Variants in TACC2 observed in about 807,000 individuals in gnomAD.
TACC2 encodes transforming acidic coiled-coil-containing protein 2.
A neutral mutation model predicts 227.3 loss-of-function variants in TACC2; 137 were observed. That is an observed-to-expected ratio of 0.60 (90% CI 0.52 to 0.69). The LOEUF (loss-of-function observed/expected upper bound fraction) is 0.69, where lower values mean the gene tolerates loss of function less well. Ranked by LOEUF, TACC2 falls within the 30% of genes least tolerant of loss-of-function variation. The probability of loss-of-function intolerance (pLI) is 0.00; values close to 1 mark genes in which losing one functional copy is unlikely to be tolerated. For missense variants in TACC2, 3,470 were observed against 3,694.4 expected, an observed-to-expected ratio of 0.94 and a Z score of 1.57; for synonymous variants, 1,523 against 1,487.5, an observed-to-expected ratio of 1.02 and a Z score of -0.55.
At chr10:122,231,535 C>T (rs767932795) in intron 16 of TACC2, among the ~76,000 whole-genome samples, 2 of 152,236 alleles carry the variant, frequency 1.3e-5, no homozygotes, top group African/African-American at 4.8e-5. Flanking sequence ...TGTTAGCTGA[C>T]ACTTCCCTCT....
chr10:122,105,469 T>C (rs1037587864), intron 5 of TACC2, among the ~76,000 whole-genome samples: 5 of 152,198 alleles, frequency 3.3e-5, no homozygotes, highest in Non-Finnish European at 7.3e-5. Flanking sequence ...TTCAGCCTCC[T>C]GAAGTTACTT....
At chr10:122,139,428 A>C (rs1231072182) in intron 6 of TACC2, among the ~76,000 whole-genome samples, 2 of 152,170 alleles carry the variant, frequency 1.3e-5, no homozygotes, top group Admixed American at 1.3e-4. Flanking sequence ...CAGCCAATTC[A>C]CAAGCACCTC....
chr10:122,230,795 G>GA lies in TACC2; in HGVS notation c.8127+355_8127+356insA, dbSNP rs150539483. ...GCAAAACAAAATCATGACCTTTGAG[G>GA]GTTTTTTTTTTCTACAGATACCATT... On this transcript the variant is annotated intron_variant, in intron 16 of 22. Transcript: ENST00000369005. Among the ~76,000 whole-genome samples the GA allele has an allele frequency of 1.7e-3, 253 of 151,998 alleles. 1 individual carries two copies. Among genetic ancestry groups the GA allele is most frequent in the African/African-American group, 5.8e-3 (241 of 41,466 alleles).
At chr10:122,007,119 C>A (rs985737436) in intron 1 of TACC2, among the ~76,000 whole-genome samples, 7 of 152,134 alleles carry the variant, frequency 4.6e-5, no homozygotes, top group African/African-American at 1.7e-4. Context: ...ACCTCGGCCT[C>A]CCAAAGTTCT....
chr10:122,226,474 T>A lies in TACC2; in HGVS notation c.7717T>A (p.Cys2573Ser), dbSNP rs377342486. ...CCGCATGTCAGAGTCCCCGACGCCGTGTTCAGGGTATGACTTCCATGATGA... is the reference window on the plus strand; with the variant it reads ...CCGCATGTCAGAGTCCCCGACGCCGAGTTCAGGGTATGACTTCCATGATGA... ...PVRMSESPTP[C>S]SGSSFEETEA... Residue 2573 changes from cysteine (C) to serine (S), a missense_variant, in exon 13 of 23, where the codon TGT (cysteine) becomes AGT (serine). Around this residue, in one of 10 missense-constraint regions of TACC2, gnomAD observed 345 missense variants for 354.4 expected, o/e 0.97. Coordinates refer to ENST00000369005, the MANE Select transcript of TACC2 (RefSeq NM_206862.4). 8 of 1,611,740 alleles carry A rather than the reference T, an allele frequency of 5.0e-6. No individual in the cohort carries two copies. Among genetic ancestry groups the A allele is most frequent in the Non-Finnish European group, 6.8e-6 (8 of 1,178,362 alleles).
At chr10:122,173,668 C>T (rs535746798) in intron 7 of TACC2, among the ~76,000 whole-genome samples, 45 of 152,336 alleles carry the variant, frequency 3.0e-4, no homozygotes, top group African/African-American at 9.4e-4. Flanking sequence ...GGAAGAGCAC[C>T]AGGCAAGAAA....
At chr10:122,028,159 A>G (rs7894514) in intron 2 of TACC2, among the ~76,000 whole-genome samples, 72,752 of 140,048 alleles carry the variant, frequency 0.52, 20,020 homozygotes, top group African/African-American at 0.76. Flanking sequence ...GTGATATCTC[A>G]GCTCACTGCA....
rs865805523 is a variant in TACC2, at chr10:122,082,593, T to C, written c.147-54T>C. 1.7e-5 allele frequency: 26 copies of C among 1,550,414 alleles called. 1 individual carries two copies. The Middle Eastern group carries it at 2.8e-3, about 168-fold the overall frequency. ...GGGTTGGGGGGTGACCTGCCTGCAG[T>C]GTGGCTCTGTCCTTGGCATCCATGA... On this transcript the variant is annotated intron_variant, in intron 3 of 22. Coordinates refer to ENST00000369005, the MANE Select transcript of TACC2 (RefSeq NM_206862.4).
chr10:122,230,018 G>C (rs1181384663), intron 15 of TACC2, among the ~76,000 whole-genome samples: 1 of 152,178 alleles, frequency 6.6e-6, no homozygotes, highest in Non-Finnish European at 1.5e-5. Flanking sequence ...TCCATTCATG[G>C]AAACTATTGG....
At position 122,031,397 on chromosome 10, in the gene TACC2, C is replaced by CTTT. The variant is rs758476678; in HGVS notation, c.33+9406_33+9408dup. 5.9e-3 allele frequency among the ~76,000 whole-genome samples: 545 copies of CTTT among 91,724 alleles called. 8 individuals are homozygous for CTTT. Among genetic ancestry groups the CTTT allele is most frequent in the African/African-American group, 0.013 (278 of 21,004 alleles). The allele number at this position is 91,724 out of a possible 152,430, so 60.2% of individuals were successfully genotyped here. On this transcript the variant is annotated intron_variant, in intron 2 of 22. Transcript: ENST00000369005. ...CTTCTTCCGGCCAATGGTCTAGCCTCTTTTTTTTTTTTTTTTTTTTTTTTT... is the reference window on the plus strand; with the variant it reads ...CTTCTTCCGGCCAATGGTCTAGCCTCTTTTTTTTTTTTTTTTTTTTTTTTTTTT...
At chr10:122,034,820 C>T (rs1236019855) in intron 2 of TACC2, among the ~76,000 whole-genome samples, 3 of 151,408 alleles carry the variant, frequency 2.0e-5, no homozygotes, top group Non-Finnish European at 2.9e-5. Flanking sequence ...CCCAGCTACA[C>T]AGGAGGCTGA....
intron 5 of TACC2, among the ~76,000 whole-genome samples, chr10:122,121,890 GT>G (rs1425086238): frequency 1.3e-5 from 2 of 152,214 alleles, no homozygotes; most frequent in African/African-American, 4.8e-5. Flanking sequence ...CCCTGGGGCT[GT>G]GCCGCTGAAC....
intron 6 of TACC2, among the ~76,000 whole-genome samples, chr10:122,134,862 G>T (rs2089248283): frequency 6.6e-6 from 1 of 152,238 alleles, no homozygotes; most frequent in South Asian, 2.1e-4. Context: ...CCAGCGGAGG[G>T]TGTAATGGGT....
At chr10:122,238,873 C>A (rs2095916377) in intron 18 of TACC2, among the ~76,000 whole-genome samples, 1 of 152,188 alleles carries the variant, frequency 6.6e-6, no homozygotes. Flanking sequence ...TTTAAACAGT[C>A]TCTGTGGACA....
intron 1 of TACC2, among the ~76,000 whole-genome samples, chr10:122,020,824 A>G (rs1361547261): frequency 6.6e-6 from 1 of 152,232 alleles, no homozygotes; most frequent in Non-Finnish European, 1.5e-5. Context: ...GAAAAAGTGA[A>G]GGTAACACCT....
intron 19 of TACC2, among the ~76,000 whole-genome samples, chr10:122,243,053 C>T (rs2096038114): frequency 6.6e-6 from 1 of 152,170 alleles, no homozygotes; most frequent in Non-Finnish European, 1.5e-5. Context: ...GAGCAATTCT[C>T]CTGCCTCAGC....
chr10:122,181,220 A>G (rs1232996985), intron 7 of TACC2, among the ~76,000 whole-genome samples: 1 of 152,150 alleles, frequency 6.6e-6, no homozygotes, highest in African/African-American at 2.4e-5. Flanking sequence ...CTTTAGCAGT[A>G]TGTGTCTGTG....
chr10:122,121,421 G>A (rs764950425), intron 5 of TACC2, among the ~76,000 whole-genome samples: 1 of 152,182 alleles, frequency 6.6e-6, no homozygotes, highest in Non-Finnish European at 1.5e-5. Flanking sequence ...TTTCAAGGTT[G>A]TACAGCTCTT....
Position 122,210,591 on chromosome 10 carries a change from G to A in TACC2, c.6166G>A (p.Ala2056Thr). ...VDTFQTLEPR[A>T]SDAKNQEGKV... ...TACCTTTCAGACCTTGGAGCCTCGT[G>A]CCTCAGACGCTAAGAATCAGGAGGG... Residue 2056 changes from alanine (A) to threonine (T), a missense_variant, in exon 9 of 23, where the codon GCC becomes ACC. By Grantham distance (58) the Ala-to-Thr change is moderately conservative. This residue lies in a region of TACC2 where 593 missense variants were observed against 636.6 expected (regional missense o/e 0.93). Transcript: ENST00000369005. The surrounding 1 kb of genome is among the most constrained non-coding windows in gnomAD (Gnocchi z 4.6). 1 of 1,614,148 alleles carries A rather than the reference G, an allele frequency of 6.2e-7. No individual in the cohort carries two copies. The highest frequency in any genetic ancestry group is 8.5e-7 in the Non-Finnish European group (1 of 1,180,030).
Sources: allele counts gnomAD v4.1 joint callset (sites outside exome capture counted in the v4.1 genomes callset), GRCh38; gene constraint gnomAD v4.1.1; regional missense constraint gnomAD v4.1.1; non-coding constraint Gnocchi (gnomAD v3.1); transcripts MANE v1.5; gene names NCBI Gene and HGNC (gene_info 2026-07-23, HGNC 2026-07-21).